PHACTR1: variants seen among roughly 807,000 people sequenced by gnomAD.
The protein encoded by PHACTR1 is RPEL repeat containing 1.
In PHACTR1, 16 loss-of-function variants were observed where a neutral mutation model predicts 69.2. That is an observed-to-expected ratio of 0.23 (90% confidence interval 0.16 to 0.35). The LOEUF (loss-of-function observed/expected upper bound fraction) is 0.35, where lower values mean the gene tolerates loss of function less well. PHACTR1 is among the 10% of genes least tolerant of loss of function. The probability of loss-of-function intolerance (pLI) is 1.00; values close to 1 mark genes in which losing one functional copy is unlikely to be tolerated. For synonymous variants in PHACTR1, 312 were observed against 284.5 expected, an observed-to-expected ratio of 1.10 and a Z score of -0.97; for missense variants, 510 against 734.7, an observed-to-expected ratio of 0.69 and a Z score of 3.54.
chr6:13,245,836 G>A lies in PHACTR1; in HGVS notation c.1391+15643G>A, dbSNP rs993477363. ...GAGTTGATTTTTGTATATGGTGTAA[G>A]GAGCAGGTCCAGTTTCAATCCCCTG... On this transcript the variant is annotated intron_variant, in intron 10 of 14. Transcript: ENST00000332995. This position sits in a 1 kb window ranked among gnomAD's most constrained non-coding sequence, Gnocchi z 4.1. Among the ~76,000 whole-genome samples, 1 of 152,152 alleles carries A rather than the reference G, an allele frequency of 6.6e-6. No homozygotes were observed. The highest frequency in any genetic ancestry group is 2.4e-5 in the African/African-American group (1 of 41,430).
At chr6:12,770,946 T>C (rs1477503467) in intron 4 of PHACTR1, among the ~76,000 whole-genome samples, 2 of 152,000 alleles carry the variant, frequency 1.3e-5, no homozygotes, top group Non-Finnish European at 2.9e-5. Context: ...AAGGCATGAG[T>C]GCAAATCGCA....
chr6:12,827,848 A>G (rs1316368265), intron 4 of PHACTR1, among the ~76,000 whole-genome samples: 2 of 152,024 alleles, frequency 1.3e-5, no homozygotes, highest in African/African-American at 4.8e-5. Context: ...GAAAATAACA[A>G]GAAGAGCTTT....
At chr6:13,066,227 A>G (rs1410320499) in intron 5 of PHACTR1, among the ~76,000 whole-genome samples, 1 of 152,214 alleles carries the variant, frequency 6.6e-6, no homozygotes, top group African/African-American at 2.4e-5. Flanking sequence ...CCTTAATAGC[A>G]TTGACTCTGC....
At chr6:13,134,521 C>T (rs1319398157) in intron 5 of PHACTR1, among the ~76,000 whole-genome samples, 1 of 152,140 alleles carries the variant, frequency 6.6e-6, no homozygotes, top group East Asian at 1.9e-4. Context: ...GAAACATGTG[C>T]TGTGTCCACT....
chr6:13,282,091 G>T (rs1337419301), intron 12 of PHACTR1, among the ~76,000 whole-genome samples: 1 of 152,190 alleles, frequency 6.6e-6, no homozygotes, highest in East Asian at 1.9e-4. Flanking sequence ...ACTAGCCACG[G>T]GTGTCTGGAA....
At position 13,126,543 on chromosome 6, in the gene PHACTR1, G is replaced by A. The variant is rs76873384; in HGVS notation, c.416-33661G>A. Among the ~76,000 whole-genome samples, 1,121 of 152,218 alleles carry A rather than the reference G, an allele frequency of 7.4e-3. 12 individuals are homozygous for A. The highest frequency in any genetic ancestry group is 0.025 in the African/African-American group (1,058 of 41,522). On this transcript the variant is annotated intron_variant, in intron 5 of 14. Transcript: ENST00000332995. ...CTCTTAGCCCTAGAACCAAAAAGGC[G>A]GCCCACAGTGGTATCCAAGCTAAAT...
At chr6:13,107,572 TTTC>T (rs1409438294) in intron 5 of PHACTR1, among the ~76,000 whole-genome samples, 2 of 152,238 alleles carry the variant, frequency 1.3e-5, no homozygotes, top group African/African-American at 4.8e-5. Context: ...ATTTGCTCTC[TTTC>T]TTCTTATGTT....
intron 4 of PHACTR1, among the ~76,000 whole-genome samples, chr6:12,908,630 G>T (rs1013352981): frequency 6.6e-5 from 10 of 152,170 alleles, no homozygotes; most frequent in African/African-American, 2.2e-4. Flanking sequence ...TAAGAATGGG[G>T]CAGGTGACTA....
intron 4 of PHACTR1, among the ~76,000 whole-genome samples, chr6:12,932,784 T>C (rs1386394580): frequency 1.3e-5 from 2 of 152,182 alleles, no homozygotes; most frequent in Non-Finnish European, 2.9e-5. Context: ...TACCCCATTT[T>C]ATACATGAAG....
Position 13,201,515 on chromosome 6 carries a change from C to A in PHACTR1, c.665-4300C>A, listed in dbSNP as rs4711936. On this transcript the variant is annotated intron_variant, in intron 7 of 14. Coordinates refer to ENST00000332995, the MANE Select transcript of PHACTR1 (RefSeq NM_030948.6). ...GAGCATGGAGCCATCATGGACCTCA[C>A]GCATGCCCAGCAGGTGCTGTAGGGA... Among the ~76,000 whole-genome samples the A allele has an allele frequency of 3.3e-5, 5 of 152,114 alleles. No homozygotes were observed. In the East Asian group the frequency reaches 7.7e-4, roughly 23 times the overall value.
intron 3 of PHACTR1, among the ~76,000 whole-genome samples, chr6:12,722,523 T>C (rs1762254571): frequency 6.6e-6 from 1 of 152,224 alleles, no homozygotes. Flanking sequence ...GAGGACGTTT[T>C]AGCTAGTTAA....
At chr6:12,747,659 G>A (rs1264517755) in intron 3 of PHACTR1, among the ~76,000 whole-genome samples, 1 of 151,984 alleles carries the variant, frequency 6.6e-6, no homozygotes, top group African/African-American at 2.4e-5. Flanking sequence ...AACAAAACTT[G>A]CTGAAAATTT....
At chr6:13,242,662 C>T (rs1312222074) in intron 10 of PHACTR1, among the ~76,000 whole-genome samples, 1 of 152,142 alleles carries the variant, frequency 6.6e-6, no homozygotes, top group Non-Finnish European at 1.5e-5. Flanking sequence ...TTTGAGAAAA[C>T]AGACTCAAAA....
At chr6:13,063,094 A>G (rs1194644202) in intron 5 of PHACTR1, among the ~76,000 whole-genome samples, 2 of 152,198 alleles carry the variant, frequency 1.3e-5, no homozygotes, top group Non-Finnish European at 2.9e-5. Context: ...TCTATAAACT[A>G]TAGGAAATTC....
chr6:13,095,582 C>T (rs533782543), intron 5 of PHACTR1, among the ~76,000 whole-genome samples: 2 of 152,090 alleles, frequency 1.3e-5, no homozygotes, highest in African/African-American at 4.8e-5. Flanking sequence ...TCTGGCATGC[C>T]TAAATAGGAA....
At chr6:12,774,475 C>T (rs538043398) in intron 4 of PHACTR1, among the ~76,000 whole-genome samples, 3 of 152,134 alleles carry the variant, frequency 2.0e-5, no homozygotes, top group East Asian at 3.9e-4. Context: ...CACTGCACCC[C>T]CCGCCTCCAG....
chr6:12,745,482 T>C (rs1385623969), intron 3 of PHACTR1, among the ~76,000 whole-genome samples: 3 of 152,194 alleles, frequency 2.0e-5, no homozygotes, highest in Non-Finnish European at 4.4e-5. Flanking sequence ...AATTCAATGC[T>C]TCTGTACAGA....
chr6:13,227,558 CG>C (rs1769981242), intron 8 of PHACTR1, among the ~76,000 whole-genome samples: 1 of 152,152 alleles, frequency 6.6e-6, no homozygotes, highest in South Asian at 2.1e-4. Flanking sequence ...TCCTATCCCA[CG>C]CCACTATTCC....
At chr6:13,055,994 T>A (rs377237291) in intron 5 of PHACTR1, among the ~76,000 whole-genome samples, 58 of 152,370 alleles carry the variant, frequency 3.8e-4, no homozygotes, top group African/African-American at 1.3e-3. Flanking sequence ...GTATGCAGTT[T>A]TGTTTTGTTT....
Sources: allele counts gnomAD v4.1 joint callset (sites outside exome capture counted in the v4.1 genomes callset), GRCh38; gene constraint gnomAD v4.1.1; non-coding constraint Gnocchi (gnomAD v3.1); transcripts MANE v1.5; gene names NCBI Gene and HGNC (gene_info 2026-07-23, HGNC 2026-07-21).